Variants in OPA1 observed in about 807,000 individuals in gnomAD.
The protein encoded by OPA1 is OPA1 mitochondrial dynamin like GTPase.
In OPA1, 59 loss-of-function variants were observed where a neutral mutation model predicts 152.9. The observed-to-expected ratio is 0.39, with a 90% CI of 0.31 to 0.48. The LOEUF is 0.48. Ranked by LOEUF, OPA1 falls within the 20% of genes least tolerant of loss-of-function variation. The probability of loss-of-function intolerance (pLI) is 0.96; values close to 1 mark genes in which losing one functional copy is unlikely to be tolerated. For missense variants in OPA1, 1,008 were observed against 1,216.8 expected (o/e 0.83, Z 2.55); for synonymous variants, 400 against 389.9 (o/e 1.03, Z -0.31).
At chr3:193,600,137 T>A (rs1363250541) in intron 1 of OPA1, among the ~76,000 whole-genome samples, 2 of 152,216 alleles carry the variant, frequency 1.3e-5, no homozygotes, top group Non-Finnish European at 2.9e-5. Context: ...GGAGTCCTCT[T>A]CGGGCCATAT....
intron 1 of OPA1, among the ~76,000 whole-genome samples, chr3:193,596,137 C>T (rs1243518706): frequency 6.6e-6 from 1 of 151,466 alleles, no homozygotes; most frequent in African/African-American, 2.4e-5. Flanking sequence ...CCTCCCACTC[C>T]CTTTGGATAC....
intron 8 of OPA1, among the ~76,000 whole-genome samples, chr3:193,632,342 G>A (rs977008415): frequency 2.6e-5 from 4 of 152,068 alleles, no homozygotes; most frequent in Admixed American, 6.6e-5. Context: ...TTAGCTGGGC[G>A]TGGTGGCAGG....
At chr3:193,644,143 G>C in intron 16 of OPA1, 38 bp downstream of exon 16, 1 of 1,609,720 alleles carries the variant, frequency 6.2e-7, no homozygotes, top group Non-Finnish European at 8.5e-7. Flanking sequence ...TAGATTCTTT[G>C]TAAAAGCTCC....
intron 1 of OPA1, among the ~76,000 whole-genome samples, chr3:193,595,780 T>C (rs1246565162): frequency 6.6e-6 from 1 of 152,170 alleles, no homozygotes; most frequent in Non-Finnish European, 1.5e-5. Flanking sequence ...TTCTCTCTTA[T>C]TTTTTATTAT....
At chr3:193,668,703 G>T in intron 29 of OPA1, 1 of 1,365,444 alleles carries the variant, frequency 7.3e-7, no homozygotes, top group Non-Finnish European at 9.6e-7. Flanking sequence ...ACCCAGGTCA[G>T]GCATTAACAC....
intron 26 of OPA1, 112 bp downstream of exon 26, chr3:193,663,074 A>C: frequency 4.7e-6 from 5 of 1,069,032 alleles, no homozygotes; most frequent in Non-Finnish European, 7.0e-6. Flanking sequence ...GACTTTTGTC[A>C]CGTGTACATT....
chr3:193,632,413 G>A (rs545081431), intron 8 of OPA1, among the ~76,000 whole-genome samples: 21 of 152,016 alleles, frequency 1.4e-4, no homozygotes, highest in African/African-American at 4.8e-4. Context: ...CCCAGGAGGC[G>A]GAGCTTGCAG....
rs1342589744 is a variant in OPA1 at position 193,593,420 on chromosome 3, G to T, written c.32+11G>T. On this transcript the variant is annotated intron_variant, in intron 1 of 30. Coordinates refer to ENST00000361510, the MANE Select transcript of OPA1 (RefSeq NM_130837.3). The stretch of plus-strand genomic sequence containing the variant: ...GGCCGCTGTGGCCTGGTAAGTGCAG[G>T]CTCTAATCTGGCCCCGTTAATTCTG... The T allele has an allele frequency of 6.5e-7, 1 of 1,539,522 alleles. No individual in the cohort carries two copies. Among genetic ancestry groups the T allele is most frequent in the Admixed American group, 2.0e-5 (1 of 49,850 alleles).
rs1560327681 is a variant in OPA1 at position 193,614,904 on chromosome 3, A to G, written c.214A>G (p.Lys72Glu). 6.2e-7 allele frequency: 1 copy of G among 1,613,976 alleles called. No homozygotes were observed. Among genetic ancestry groups the G allele is most frequent in the East Asian group, 2.2e-5 (1 of 44,868 alleles). Residue 72 changes from lysine (K) to glutamate (E), a missense_variant, in exon 2 of 31, where the codon AAA (lysine) becomes GAA (glutamate). Physicochemically the swap from Lys to Glu is moderately conservative, Grantham distance 56. Transcript: ENST00000361510. ...TTCTCTGACAAACCTTCCTTTACGTAAACTGAAATTCTCTCCAATTAAATA... is the reference window on the plus strand; with the variant it reads ...TTCTCTGACAAACCTTCCTTTACGTGAACTGAAATTCTCTCCAATTAAATA... Reference protein sequence around the residue: ...FSSLTNLPLRKLKFSPIKYGY... With the variant: ...FSSLTNLPLRELKFSPIKYGY...
intron 27 of OPA1, 94 bp from the exon 28 acceptor site, chr3:193,666,202 G>A: frequency 9.8e-7 from 1 of 1,020,386 alleles, no homozygotes; most frequent in Non-Finnish European, 1.5e-6. Flanking sequence ...TTAAGCTTAG[G>A]ACATATCTAC....
chr3:193,687,994 G>C (rs1230225645), intron 29 of OPA1, among the ~76,000 whole-genome samples: 1 of 152,060 alleles, frequency 6.6e-6, no homozygotes, highest in Non-Finnish European at 1.5e-5. Context: ...TCTGGTTCAG[G>C]TGTGAGCCAC....
intron 26 of OPA1, 46 bp from the exon 27 acceptor site, chr3:193,664,834 A>G (rs1716149275): frequency 9.8e-7 from 1 of 1,017,996 alleles, no homozygotes. Flanking sequence ...GTTGATCAAC[A>G]TGAAGAATAT....
In OPA1 at chr3:193,668,704, G is replaced by T. The variant is rs935305199; in HGVS notation, c.2983+1424G>T. On this transcript the variant is annotated intron_variant, in intron 29 of 30. Coordinates refer to ENST00000361510, the MANE Select transcript of OPA1 (RefSeq NM_130837.3). The stretch of plus-strand genomic sequence containing the variant: ...GTGAACCCATTGTAACCCAGGTCAG[G>T]CATTAACACCTGCAGTAGGCTACCA... 3.7e-6 allele frequency: 5 copies of T among 1,362,100 alleles called. No homozygotes were observed. The East Asian group carries it at 1.7e-4, about 45-fold the overall frequency. 84.4% of individuals were successfully genotyped at this position (1,362,100 alleles called of 1,614,324 possible). A position where few individuals can be genotyped will look rare whatever the true frequency, so the allele number is the denominator to read the frequency against.
In OPA1 at chr3:193,662,919, G is replaced by A. The variant is rs954754062; in HGVS notation, c.2618G>A (p.Arg873Gln). 2.0e-5 allele frequency: 32 copies of A among 1,613,516 alleles called. No homozygotes were observed. Among genetic ancestry groups the A allele is most frequent in the Non-Finnish European group, 2.5e-5 (29 of 1,179,650 alleles). The change falls in exon 26 of 31, where the codon CGG (arginine) becomes CAG (glutamine). Residue 873 changes from arginine to glutamine, a missense_variant. Arg to Gln is a conservative substitution (Grantham distance 43, BLOSUM62 1). This residue lies in a region of OPA1 where 137 missense variants were observed against 171.0 expected (regional missense o/e 0.80). Transcript: ENST00000361510. Reference sequence around the variant, plus strand: ...GCAAGTGATGAAATAACCACAGTCCGGAAGAACCTTGAATCCCGAGGAGTA... The same window carrying A: ...GCAAGTGATGAAATAACCACAGTCCAGAAGAACCTTGAATCCCGAGGAGTA... ...YLASDEITTV[R>Q]KNLESRGVEV...
chr3:193,657,378 C>T, intron 23 of OPA1, 146 bp downstream of exon 23: 1 of 784,170 alleles, frequency 1.3e-6, no homozygotes, highest in Non-Finnish European at 2.0e-6. Flanking sequence ...GATCTGTAAT[C>T]TGCCCTTTAA....
intron 6 of OPA1, among the ~76,000 whole-genome samples, chr3:193,625,130 TTATC>T (rs1730862536): frequency 6.6e-6 from 1 of 152,066 alleles, no homozygotes; most frequent in African/African-American, 2.4e-5. Context: ...TTGAGGTCGA[TTATC>T]TAAGAGGCCA....
intron 1 of OPA1, among the ~76,000 whole-genome samples, chr3:193,594,456 C>G (rs907271879): frequency 6.6e-6 from 1 of 152,204 alleles, no homozygotes; most frequent in Non-Finnish European, 1.5e-5. Flanking sequence ...AGCGCTATCT[C>G]GGCTCACTGC....
In OPA1 at chr3:193,697,205, G is replaced by A. The variant is rs968474193; in HGVS notation, c.*2605G>A. The A allele has an allele frequency of 2.6e-5, 4 of 152,132 alleles. No homozygotes were observed. The highest frequency in any genetic ancestry group is 9.7e-5 in the African/African-American group (4 of 41,430). The allele number at this position is 152,132 out of a possible 1,614,324, so 9.4% of individuals were successfully genotyped here. A position where few individuals can be genotyped will look rare whatever the true frequency, so the allele number is the denominator to read the frequency against. On this transcript the variant is annotated 3_prime_UTR_variant, in exon 31 of 31. Transcript: ENST00000361510. ...ATTTATTCTAGATGTATGTATCTGA[G>A]GAAAGAAATCTGGTATTTTTGCTTT...
At position 193,676,784 on chromosome 3, in the gene OPA1, T is replaced by G. The variant is rs558311841; in HGVS notation, c.2983+9504T>G. ...TCACAAGGTCAGGAGATCCAGACCA[T>G]CCTGGCTAACACAGTGAAACCCCGT... On this transcript the variant is annotated intron_variant, in intron 29 of 30. Transcript: ENST00000361510. Among the ~76,000 whole-genome samples, 22 of 152,168 alleles carry G rather than the reference T, an allele frequency of 1.4e-4. 1 individual carries two copies. The South Asian group carries it at 4.4e-3, about 30-fold the overall frequency.
Sources: allele counts gnomAD v4.1 joint callset (sites outside exome capture counted in the v4.1 genomes callset), GRCh38; gene constraint gnomAD v4.1.1; regional missense constraint gnomAD v4.1.1; transcripts MANE v1.5; gene names NCBI Gene and HGNC (gene_info 2026-07-23, HGNC 2026-07-21).